Variants in BNC2 observed in about 807,000 individuals in gnomAD.
BNC2 encodes the protein zinc finger protein basonuclin-2.
A neutral mutation model predicts 76.3 loss-of-function variants in BNC2; 20 were observed. The observed-to-expected ratio is 0.26, with a 90% CI of 0.18 to 0.38. The LOEUF is 0.38. Among genes scored for constraint, BNC2 ranks in the 10% least tolerant of loss-of-function variants. The pLI, the probability that BNC2 is intolerant of heterozygous loss-of-function variation, is 1.00. For synonymous variants in BNC2, 582 were observed against 514.8 expected (o/e 1.13, Z -1.77); for missense variants, 1,382 against 1,399.8 (o/e 0.99, Z 0.20).
chr9:16,699,289 C>T (rs10738447), intron 3 of BNC2: 286,744 of 450,436 alleles, frequency 0.64, 100,520 homozygotes, highest in Non-Finnish European at 0.79. Context: ...AGGAGGAAGA[C>T]AGGCCAACAG....
chr9:16,517,002 A>T (rs180991537), intron 5 of BNC2, among the ~76,000 whole-genome samples: 1 of 152,230 alleles, frequency 6.6e-6, no homozygotes, highest in Non-Finnish European at 1.5e-5. Flanking sequence ...CCAGGAATGC[A>T]GCACCAACAC....
chr9:16,516,929 T>A (rs982183899), intron 5 of BNC2, among the ~76,000 whole-genome samples: 2 of 152,230 alleles, frequency 1.3e-5, no homozygotes, highest in African/African-American at 4.8e-5. Flanking sequence ...AGCAAAAGGC[T>A]TTAAACTGGT....
chr9:16,745,920 T>C (rs769982703), intron 1 of BNC2, among the ~76,000 whole-genome samples: 19 of 152,136 alleles, frequency 1.2e-4, no homozygotes, highest in Non-Finnish European at 2.4e-4. Context: ...GAGACCTTTT[T>C]TGAAAAGAAA....
At chr9:16,804,577 T>A (rs1171843873) in intron 1 of BNC2, among the ~76,000 whole-genome samples, 1 of 152,248 alleles carries the variant, frequency 6.6e-6, no homozygotes, top group African/African-American at 2.4e-5. Context: ...TAAAACTGCA[T>A]GTCCTGGAGA....
chr9:16,818,719 G>T (rs1397150936), intron 1 of BNC2, among the ~76,000 whole-genome samples: 1 of 152,072 alleles, frequency 6.6e-6, no homozygotes, highest in Non-Finnish European at 1.5e-5. Flanking sequence ...TTGAGATGAG[G>T]TCTCACTAAG....
intron 5 of BNC2, among the ~76,000 whole-genome samples, chr9:16,488,313 G>C (rs1033564905): frequency 2.6e-5 from 4 of 152,106 alleles, no homozygotes; most frequent in Non-Finnish European, 5.9e-5. Flanking sequence ...TCTGTTTTCT[G>C]CTCTAGAGAC....
chr9:16,495,495 C>A (rs1343898030), intron 5 of BNC2, among the ~76,000 whole-genome samples: 3 of 152,116 alleles, frequency 2.0e-5, no homozygotes, highest in Non-Finnish European at 4.4e-5. Flanking sequence ...GTAAACAGTG[C>A]TTGCGTTCTG....
chr9:16,480,502 T>C (rs1030553897), intron 5 of BNC2, among the ~76,000 whole-genome samples: 2 of 151,274 alleles, frequency 1.3e-5, no homozygotes, highest in Admixed American at 6.6e-5. Context: ...TGCAGGGAGG[T>C]GTGGAGGGAG....
chr9:16,568,354 A>C (rs1466978711), intron 4 of BNC2, among the ~76,000 whole-genome samples: 2 of 152,086 alleles, frequency 1.3e-5, no homozygotes, highest in Non-Finnish European at 2.9e-5. Context: ...TTATAAACAG[A>C]ATATTTTTAC....
chr9:16,688,348 T>C (rs1823039923), intron 3 of BNC2, among the ~76,000 whole-genome samples: 5 of 152,288 alleles, frequency 3.3e-5, no homozygotes, highest in Middle Eastern at 3.4e-3. Context: ...CCTCAGAAGT[T>C]AGCCAGCCAC....
At chr9:16,519,938 C>T (rs1363069531) in intron 5 of BNC2, among the ~76,000 whole-genome samples, 2 of 152,148 alleles carry the variant, frequency 1.3e-5, no homozygotes, top group East Asian at 1.9e-4. Flanking sequence ...CAGACACTGG[C>T]AGGGACCAGT....
intron 5 of BNC2, among the ~76,000 whole-genome samples, chr9:16,491,740 C>A (rs1040650152): frequency 1.1e-4 from 17 of 152,172 alleles, no homozygotes; most frequent in African/African-American, 3.9e-4. Context: ...GATTACCAGT[C>A]TCTAAGGGTT....
intron 5 of BNC2, among the ~76,000 whole-genome samples, chr9:16,519,357 A>C (rs1348244611): frequency 6.6e-6 from 1 of 152,240 alleles, no homozygotes; most frequent in East Asian, 1.9e-4. Flanking sequence ...ATTCTAACGT[A>C]AAGTCCCAAA....
intron 4 of BNC2, among the ~76,000 whole-genome samples, chr9:16,570,294 G>C (rs114109820): frequency 6.6e-6 from 1 of 152,104 alleles, no homozygotes; most frequent in Non-Finnish European, 1.5e-5. Flanking sequence ...ATTATACTCA[G>C]TCTTGAAAAA....
rs1429619293 is a variant in BNC2 at position 16,415,056 on chromosome 9, T to TTTAAA, written c.*3932_*3933insTTTAA. 1 of 152,080 alleles carries TTTAAA rather than the reference T, an allele frequency of 6.6e-6. No individual in the cohort carries two copies. The highest frequency in any genetic ancestry group is 1.5e-5 in the Non-Finnish European group (1 of 67,996). The allele number at this position is 152,080 out of a possible 1,614,324, so 9.4% of individuals were successfully genotyped here. ...CACTATGAGGACAGTGGCACCATTGTGCCAAAAAGGTTTTAAAAAATGTTT... is the reference window on the plus strand; with the variant it reads ...CACTATGAGGACAGTGGCACCATTGTTTAAAGCCAAAAAGGTTTTAAAAAATGTTT... On this transcript the variant is annotated 3_prime_UTR_variant, in exon 7 of 7. Coordinates refer to ENST00000380672, the MANE Select transcript of BNC2 (RefSeq NM_017637.6).
At chr9:16,637,752 A>G (rs1429089969) in intron 3 of BNC2, among the ~76,000 whole-genome samples, 1 of 152,214 alleles carries the variant, frequency 6.6e-6, no homozygotes. Context: ...TGCCCCAGCT[A>G]CTAGAAATTT....
At chr9:16,657,001 C>T (rs888334479) in intron 3 of BNC2, among the ~76,000 whole-genome samples, 4 of 152,012 alleles carry the variant, frequency 2.6e-5, no homozygotes, top group African/African-American at 7.2e-5. Context: ...ATTTAAAGAA[C>T]GGTGGAGGCT....
intron 1 of BNC2, among the ~76,000 whole-genome samples, chr9:16,868,779 A>C (rs1008966558): frequency 1.3e-5 from 2 of 150,988 alleles, no homozygotes; most frequent in Non-Finnish European, 2.9e-5. Context: ...ATACTCTCTA[A>C]AGGCTCACAA....
At chr9:16,679,292 T>C (rs1450138976) in intron 3 of BNC2, among the ~76,000 whole-genome samples, 3 of 152,168 alleles carry the variant, frequency 2.0e-5, no homozygotes, top group South Asian at 4.1e-4. Context: ...TGTTTTATAA[T>C]ATAAAAATTC....
Sources: gnomAD v4.1 joint callset for allele counts (sites outside exome capture counted in the v4.1 genomes callset) on GRCh38, gnomAD v4.1.1 for gene constraint, MANE v1.5 for transcripts, NCBI Gene and HGNC (gene_info 2026-07-23, HGNC 2026-07-21) for gene names.